The following SLC35B3 variants were observed in gnomAD, a reference collection of about 807,000 sequenced individuals.
SLC35B3 encodes solute carrier family 35 member B3.
Under a neutral mutation model 44.1 loss-of-function variants are expected in SLC35B3, and 35 were observed. The observed-to-expected ratio is 0.79, with a 90% confidence interval of 0.61 to 1.05. The LOEUF (loss-of-function observed/expected upper bound fraction) is 1.05, where lower values mean the gene tolerates loss of function less well. SLC35B3 is among the 50% of genes least tolerant of loss of function. The pLI is 0.00. For synonymous variants in SLC35B3, 146 were observed against 167.3 expected (o/e 0.87, Z 0.98); for missense variants, 414 against 476.4 (o/e 0.87, Z 1.22).
At chr6:8,431,716 CT>C (rs1447259357) in intron 2 of SLC35B3, among the ~76,000 whole-genome samples, 5 of 152,166 alleles carry the variant, frequency 3.3e-5, no homozygotes, top group Non-Finnish European at 7.3e-5. Flanking sequence ...TAAAACCATG[CT>C]TTAAATTATC....
chr6:8,416,754 A>G (rs1762444522), intron 9 of SLC35B3, 130 bp downstream of exon 8: 1 of 459,336 alleles, frequency 2.2e-6, no homozygotes. Flanking sequence ...CATAAGCCAA[A>G]GAATAAATTG....
intron 7 of SLC35B3, among the ~76,000 whole-genome samples, chr6:8,417,838 A>G (rs543322198): frequency 1.3e-5 from 2 of 152,276 alleles, no homozygotes; most frequent in Admixed American, 1.3e-4. Flanking sequence ...AGATACTTAT[A>G]AAACATAAAA....
Position 8,435,350 on chromosome 6 carries a change from C to G in SLC35B3, c.-51G>C, listed in dbSNP as rs780169603. The G allele has an allele frequency of 1.2e-5, 16 of 1,289,256 alleles. No individual in the cohort carries two copies. In the South Asian group the frequency reaches 2.0e-4, roughly 16 times the overall value. The allele number at this position is 1,289,256 out of a possible 1,614,324, so 79.9% of individuals were successfully genotyped here. ...CCCCGAAGGCACGCGTACCCCAAGG[C>G]CGGTATGTCACCCGGAAGGGTGACG... On this transcript the variant is annotated 5_prime_UTR_variant, in exon 1 of 11. Coordinates refer to ENST00000644923, the MANE Select transcript of SLC35B3 (RefSeq NM_001370476.2). The surrounding 1 kb of genome is among the most constrained non-coding windows in gnomAD (Gnocchi z 5.5).
chr6:8,420,843 C>G lies in SLC35B3; in HGVS notation c.575-15G>C. 1.3e-6 allele frequency: 2 copies of G among 1,577,970 alleles called. No individual in the cohort carries two copies. The highest frequency in any genetic ancestry group is 1.7e-6 in the Non-Finnish European group (2 of 1,153,084). On this transcript the variant is annotated splice_polypyrimidine_tract_variant and intron_variant, in intron 5 of 10. Transcript: ENST00000644923. This position sits in a 1 kb window ranked among gnomAD's most constrained non-coding sequence, Gnocchi z 4.4. Reference sequence around the variant, plus strand: ...ATAACGCTTTCCTGTATAAAACAAACGTAAGTCCACTTCATTATGCAAATA... The same window carrying G: ...ATAACGCTTTCCTGTATAAAACAAAGGTAAGTCCACTTCATTATGCAAATA...
chr6:8,434,719 T>C lies in SLC35B3; in HGVS notation c.-43-289A>G, dbSNP rs1764320452. ...ATTCTAGGCTTCTGATATCCTAATG[T>C]AGAAAAAATGCAGATACTCAACACT... On this transcript the variant is annotated intron_variant, in intron 1 of 10. Transcript: ENST00000644923. The surrounding 1 kb of genome is among the most constrained non-coding windows in gnomAD (Gnocchi z 6.3). Among the ~76,000 whole-genome samples the C allele has an allele frequency of 6.6e-6, 1 of 152,142 alleles. No homozygotes were observed. Among genetic ancestry groups the C allele is most frequent in the Non-Finnish European group, 1.5e-5 (1 of 68,022 alleles).
At chr6:8,429,571 C>A (rs1317720656) in intron 3 of SLC35B3, among the ~76,000 whole-genome samples, 1 of 152,078 alleles carries the variant, frequency 6.6e-6, no homozygotes. Flanking sequence ...CCAATCAATA[C>A]GTGAATCATT....
Position 8,433,738 on chromosome 6 carries a change from C to A in SLC35B3, c.3+647G>T, listed in dbSNP as rs143263292. Among the ~76,000 whole-genome samples the A allele has an allele frequency of 1.8e-3, 275 of 152,126 alleles. 1 individual carries two copies. The highest frequency in any genetic ancestry group is 6.3e-3 in the African/African-American group (261 of 41,486). On this transcript the variant is annotated intron_variant, in intron 2 of 10. Transcript: ENST00000644923. The surrounding 1 kb of genome is among the most constrained non-coding windows in gnomAD (Gnocchi z 4.1). ...GAGGCATCAGTCTCATAAAACTTGC[C>A]CACCAAAGCCTTGCATTTAGAATGC...
At chr6:8,425,773 A>C (rs1237293520) in intron 4 of SLC35B3, among the ~76,000 whole-genome samples, 1 of 152,194 alleles carries the variant, frequency 6.6e-6, no homozygotes, top group Non-Finnish European at 1.5e-5. Flanking sequence ...ATTACATTTA[A>C]ACTGCCCAAT....
rs758699761 is a variant in SLC35B3, at chr6:8,422,463, A to C, written c.574+7T>G. 3 of 1,603,606 alleles carry C rather than the reference A, an allele frequency of 1.9e-6. No homozygotes were observed. The highest frequency in any genetic ancestry group is 2.6e-6 in the Non-Finnish European group (3 of 1,170,946). The stretch of plus-strand genomic sequence containing the variant: ...TTAAATAGTATAAAAACATATCATT[A>C]CTATACCTTGAATAAAAACTCCTCC... On this transcript the variant is annotated splice_region_variant and intron_variant, in intron 5 of 10. Transcript: ENST00000644923.
At chr6:8,424,556 G>T (rs889368296) in intron 4 of SLC35B3, among the ~76,000 whole-genome samples, 4 of 152,104 alleles carry the variant, frequency 2.6e-5, no homozygotes, top group Non-Finnish European at 5.9e-5. Flanking sequence ...CACTGCACCT[G>T]GCCGGGGAGA....
rs1466390330 is a variant in SLC35B3, at chr6:8,433,883, C to G, written c.3+502G>C. On this transcript the variant is annotated intron_variant, in intron 2 of 10. Transcript: ENST00000644923. This position sits in a 1 kb window ranked among gnomAD's most constrained non-coding sequence, Gnocchi z 4.1. ...TCCCTTCCACTTCAAACATTAATGACTGATACTAACCATCATCTAAAAAAA... is the reference window on the plus strand; with the variant it reads ...TCCCTTCCACTTCAAACATTAATGAGTGATACTAACCATCATCTAAAAAAA... Among the ~76,000 whole-genome samples, 2 of 143,422 alleles carry G rather than the reference C, an allele frequency of 1.4e-5. No individual in the cohort carries two copies. Among genetic ancestry groups the G allele is most frequent in the African/African-American group, 5.3e-5 (2 of 37,424 alleles). 94.1% of individuals were successfully genotyped at this position (143,422 alleles called of 152,430 possible).
Position 8,435,138 on chromosome 6 carries a change from G to A in SLC35B3, c.-44+205C>T. ...TCGCCAGCCCGAGGGCGAAAAACGG[G>A]CGAGGAGGAACAGATGCTCCTCCCT... On this transcript the variant is annotated intron_variant, in intron 1 of 10. Coordinates refer to ENST00000644923, the MANE Select transcript of SLC35B3 (RefSeq NM_001370476.2). This position sits in a 1 kb window ranked among gnomAD's most constrained non-coding sequence, Gnocchi z 5.5. 1 of 1,275,996 alleles carries A rather than the reference G, an allele frequency of 7.8e-7. No homozygotes were observed. The highest frequency in any genetic ancestry group is 1.3e-5 in the South Asian group (1 of 79,758). 79.0% of individuals were successfully genotyped at this position (1,275,996 alleles called of 1,614,324 possible). A position where few individuals can be genotyped will look rare whatever the true frequency, so the allele number is the denominator to read the frequency against.
rs1302623511 is a variant in SLC35B3 at position 8,435,256 on chromosome 6, G to T, written c.-44+87C>A. The T allele has an allele frequency of 1.6e-6, 2 of 1,289,312 alleles. No individual in the cohort carries two copies. The highest frequency in any genetic ancestry group is 2.3e-5 in the Admixed American group (1 of 43,566). 79.9% of individuals were successfully genotyped at this position (1,289,312 alleles called of 1,614,324 possible). A position where few individuals can be genotyped will look rare whatever the true frequency, so the allele number is the denominator to read the frequency against. ...ATCCATTCCTCGAACGCTCCTTCTG[G>T]ATGAGGAAGATGGGCAGTGTCAAGG... is the stretch of plus-strand genomic sequence containing the variant. On this transcript the variant is annotated intron_variant, in intron 1 of 10. Transcript: ENST00000644923. This position sits in a 1 kb window ranked among gnomAD's most constrained non-coding sequence, Gnocchi z 5.5.
chr6:8,435,476 T>C lies in SLC35B3; in HGVS notation c.-177A>G, dbSNP rs114084040. 7.1e-3 allele frequency: 7,527 copies of C among 1,063,174 alleles called. 408 individuals are homozygous for C. The African/African-American group carries it at 0.11, about 16-fold the overall frequency. The allele number at this position is 1,063,174 out of a possible 1,614,324, so 65.9% of individuals were successfully genotyped here. On this transcript the variant is annotated 5_prime_UTR_variant, in exon 1 of 11. Transcript: ENST00000644923. The surrounding 1 kb of genome is among the most constrained non-coding windows in gnomAD (Gnocchi z 5.5). ...CTCCTCCTCGCCCACTCCTGCACTT[T>C]CCACCGCGGCGGTCGCCTCCCCGGA... is the stretch of plus-strand genomic sequence containing the variant.
chr6:8,415,938 T>C (rs113202539), intron 9 of SLC35B3, among the ~76,000 whole-genome samples: 263 of 152,220 alleles, frequency 1.7e-3, no homozygotes, highest in African/African-American at 6.0e-3. Flanking sequence ...GATGGCACAG[T>C]GGACAGAAAG....
chr6:8,421,372 T>C (rs575087450), intron 5 of SLC35B3, among the ~76,000 whole-genome samples: 3 of 152,364 alleles, frequency 2.0e-5, no homozygotes, highest in East Asian at 3.9e-4. Flanking sequence ...ATATTATATA[T>C]GCCTAGTCAG....
rs766799654 is a variant in SLC35B3, at chr6:8,413,642, T to A, written c.1113A>T (p.Lys371Asn). 1 of 1,595,060 alleles carries A rather than the reference T, an allele frequency of 6.3e-7. No homozygotes were observed. The highest frequency in any genetic ancestry group is 8.6e-7 in the Non-Finnish European group (1 of 1,167,316). The change falls in exon 11 of 11, where the codon AAA (lysine) becomes AAT (asparagine). Residue 371 changes from lysine to asparagine, a missense_variant. Coordinates refer to ENST00000644923, the MANE Select transcript of SLC35B3 (RefSeq NM_001370476.2). ...ATGGTAGTCTTATTTTATCCATATT[T>A]TTGCTGTAAACATTAAGAAATATAC... is the stretch of plus-strand genomic sequence containing the variant.
intron 9 of SLC35B3, among the ~76,000 whole-genome samples, chr6:8,415,641 T>A (rs1300857755): frequency 1.3e-5 from 2 of 152,224 alleles, no homozygotes; most frequent in Non-Finnish European, 2.9e-5. Context: ...ATTCCAAGAC[T>A]CTACAGTTCC....
rs920141468 is a variant in SLC35B3 at position 8,435,416 on chromosome 6, C to G, written c.-117G>C. 4.0e-5 allele frequency: 51 copies of G among 1,285,544 alleles called. No individual in the cohort carries two copies. Among genetic ancestry groups the G allele is most frequent in the Non-Finnish European group, 4.9e-5 (48 of 986,742 alleles). 79.6% of individuals were successfully genotyped at this position (1,285,544 alleles called of 1,614,324 possible). On this transcript the variant is annotated 5_prime_UTR_variant, in exon 1 of 11. Transcript: ENST00000644923. This position sits in a 1 kb window ranked among gnomAD's most constrained non-coding sequence, Gnocchi z 5.5. ...TCTGAGCTAGACGGAGCATCTCCCCCTCCCCTGGTCCGTCGCCATCACCTC... is the reference window on the plus strand; with the variant it reads ...TCTGAGCTAGACGGAGCATCTCCCCGTCCCCTGGTCCGTCGCCATCACCTC...
Sources: gnomAD v4.1 joint callset for allele counts (sites outside exome capture counted in the v4.1 genomes callset) on GRCh38, gnomAD v4.1.1 for gene constraint, Gnocchi (gnomAD v3.1) non-coding constraint, MANE v1.5 for transcripts, NCBI Gene and HGNC (gene_info 2026-07-23, HGNC 2026-07-21) for gene names.